Variants in PAPLN observed in about 807,000 individuals in gnomAD.
PAPLN encodes the protein papilin, proteoglycan like sulfated glycoprotein, also known as papilin.
PAPLN carries 146 observed loss-of-function variants against 159.0 expected under a neutral mutation model. The ratio of observed to expected loss-of-function variants is 0.92; its 90% CI spans 0.80 to 1.05. The LOEUF (loss-of-function observed/expected upper bound fraction) is 1.05. Ranked by LOEUF, PAPLN falls within the 50% of genes least tolerant of loss-of-function variation. The probability of loss-of-function intolerance (pLI) is 0.00; values close to 1 mark genes in which losing one functional copy is unlikely to be tolerated. For missense variants in PAPLN, 1,720 were observed against 1,743.9 expected (o/e 0.99, Z 0.24); for synonymous variants, 734 against 702.9 (o/e 1.04, Z -0.70).
intron 7 of PAPLN, 71 bp downstream of exon 7, chr14:73,251,101 C>T (rs1218543638): frequency 6.4e-7 from 1 of 1,554,854 alleles, no homozygotes; most frequent in Non-Finnish European, 8.7e-7. Context: ...CCTGTCCCTG[C>T]TCTGGCCTAG....
chr14:73,263,979 T>G (rs539646963), intron 20 of PAPLN, 197 bp downstream of exon 20: 2 of 1,252,280 alleles, frequency 1.6e-6, no homozygotes, highest in Non-Finnish European at 2.1e-6. Context: ...CTGACAGGTG[T>G]GTGTGACAGC....
In PAPLN at chr14:73,272,880, C is replaced by T. The variant is rs1260673739; in HGVS notation, c.*216C>T. ...GCAGTGTTTGCATCTCTGACATAACCACAGGCTGCTGTTTTCAAGAAGAGC... is the reference window on the plus strand; with the variant it reads ...GCAGTGTTTGCATCTCTGACATAACTACAGGCTGCTGTTTTCAAGAAGAGC... On this transcript the variant is annotated 3_prime_UTR_variant, in exon 27 of 27. Transcript: ENST00000644200. The T allele has an allele frequency of 4.9e-6, 2 of 408,018 alleles. No homozygotes were observed. Among genetic ancestry groups the T allele is most frequent in the Non-Finnish European group, 8.5e-6 (2 of 235,970 alleles). 25.3% of individuals were successfully genotyped at this position (408,018 alleles called of 1,614,324 possible).
At chr14:73,238,395 C>A (rs1242176506) in intron 1 of PAPLN, among the ~76,000 whole-genome samples, 1 of 152,242 alleles carries the variant, frequency 6.6e-6, no homozygotes, top group East Asian at 1.9e-4. Flanking sequence ...CGTGACCAGA[C>A]CCGGACTGGC....
chr14:73,249,621 T>C (rs1354395127), intron 5 of PAPLN, among the ~76,000 whole-genome samples: 2 of 136,228 alleles, frequency 1.5e-5, no homozygotes, highest in African/African-American at 2.8e-5. Context: ...TTGCAGTGAG[T>C]CGAGATCGTG....
intron 14 of PAPLN, 139 bp downstream of exon 14, chr14:73,255,157 C>G (rs1204855267): frequency 1.6e-6 from 2 of 1,258,236 alleles, no homozygotes; most frequent in Non-Finnish European, 2.2e-6. Flanking sequence ...ATGTCTCCCC[C>G]CGCTGAACCC....
intron 10 of PAPLN, 56 bp from the exon 11 acceptor site, chr14:73,252,593 A>G (rs971045863): frequency 3.0e-5 from 47 of 1,584,476 alleles, no homozygotes; most frequent in Non-Finnish European, 3.6e-5. Flanking sequence ...GGCCCAGGGA[A>G]CGCGCTTGGT....
chr14:73,254,918 C>T lies in PAPLN; in HGVS notation c.1527C>T (p.Val509=). Residue 509 remains valine (V), a synonymous_variant, in exon 14 of 27, where the codon GTC becomes GTT. Coordinates refer to ENST00000644200, the MANE Select transcript of PAPLN (RefSeq NM_001365906.3). ...GCTCGGGCACTCGGAGGCGACAGGT[C>T]ATCTGTGCCATTGGGCCGCCCAGCC... is the stretch of plus-strand genomic sequence containing the variant. ...SCSSGTRRRQ[V]ICAIGPPSHC... 6.2e-7 allele frequency: 1 copy of T among 1,613,298 alleles called. No individual in the cohort carries two copies. Among genetic ancestry groups the T allele is most frequent in the Non-Finnish European group, 8.5e-7 (1 of 1,179,980 alleles).
At chr14:73,255,070 G>A (rs373758089) in intron 14 of PAPLN, 52 bp downstream of exon 14, 15 of 1,566,082 alleles carry the variant, frequency 9.6e-6, no homozygotes, top group East Asian at 9.5e-5. Context: ...TCTCCCACTC[G>A]CTACAAACCC....
intron 11 of PAPLN, among the ~76,000 whole-genome samples, 174 bp from the exon 12 acceptor site, chr14:73,253,580 T>A (rs1230000574): frequency 6.6e-6 from 1 of 151,650 alleles, no homozygotes; most frequent in Non-Finnish European, 1.5e-5. Flanking sequence ...CCAGGCCCGG[T>A]GGTGGGGATG....
Position 73,265,586 on chromosome 14 carries a change from G to A in PAPLN, c.3263+79G>A, listed in dbSNP as rs1358403990. 5 of 1,563,008 alleles carry A rather than the reference G, an allele frequency of 3.2e-6. No homozygotes were observed. The African/African-American group carries it at 5.4e-5, about 17-fold the overall frequency. ...CCTATGGAGGCCACCGGGGAAGGGA[G>A]CTGCTAGCGCATGGTCATGGCCAGT... On this transcript the variant is annotated intron_variant, in intron 23 of 26. Coordinates refer to ENST00000644200, the MANE Select transcript of PAPLN (RefSeq NM_001365906.3). This position sits in a 1 kb window ranked among gnomAD's most constrained non-coding sequence, Gnocchi z 4.1.
At chr14:73,269,829 C>T (rs1887548143) in intron 26 of PAPLN, among the ~76,000 whole-genome samples, 1 of 151,264 alleles carries the variant, frequency 6.6e-6, no homozygotes, top group South Asian at 2.1e-4. Flanking sequence ...AGGGCTGCAG[C>T]GCCATGCCAG....
intron 12 of PAPLN, among the ~76,000 whole-genome samples, 190 bp from the exon 13 acceptor site, chr14:73,254,323 T>C (rs1885638193): frequency 6.6e-6 from 1 of 152,184 alleles, no homozygotes; most frequent in Non-Finnish European, 1.5e-5. Context: ...ACAACCTCAG[T>C]CTGTTGTCAG....
intron 1 of PAPLN, 139 bp downstream of exon 1, chr14:73,237,731 G>C (rs1005933397): frequency 3.9e-5 from 6 of 152,266 alleles, no homozygotes; most frequent in Non-Finnish European, 4.4e-5. Context: ...AGAAGACCCC[G>C]CCCCGGCTCG....
intron 21 of PAPLN, 107 bp from the exon 22 acceptor site, chr14:73,264,481 C>A: frequency 6.6e-7 from 1 of 1,519,718 alleles, no homozygotes; most frequent in South Asian, 1.3e-5. Context: ...AGGGACCACC[C>A]TGTGGCCCTC....
At chr14:73,243,945 C>T (rs181413316) in intron 2 of PAPLN, 5 of 152,398 alleles carry the variant, frequency 3.3e-5, no homozygotes, top group African/African-American at 7.2e-5. Flanking sequence ...CCAACTCCAG[C>T]CATCACATCT....
In PAPLN at chr14:73,264,522, G is replaced by T. The variant is rs1455345423; in HGVS notation, c.2987-66G>T. The T allele has an allele frequency of 5.8e-6, 9 of 1,546,954 alleles. No individual in the cohort carries two copies. In the Admixed American group the frequency reaches 1.9e-4, roughly 32 times the overall value. On this transcript the variant is annotated intron_variant, in intron 21 of 26. Transcript: ENST00000644200. ...TCCGTAAGTCCCTGCTGGTCTCATG[G>T]CCCGCCCTTCCTTCCACTCCCTTTT...
intron 17 of PAPLN, 26 bp downstream of exon 17, chr14:73,260,855 A>G: frequency 6.7e-7 from 1 of 1,492,944 alleles, no homozygotes. Flanking sequence ...GGGGGAGGGG[A>G]GCAGGGGGCC....
At chr14:73,268,868 G>A in intron 26 of PAPLN, 145 bp downstream of exon 26, 1 of 1,031,464 alleles carries the variant, frequency 9.7e-7, no homozygotes, top group Non-Finnish European at 1.3e-6. Context: ...TGGGGCAAGG[G>A]GCTTACCTTC....
rs1248525441 is a variant in PAPLN at position 73,264,639 on chromosome 14, C to T, written c.3038C>T (p.Pro1013Leu). Residue 1013 changes from proline (P) to leucine (L), a missense_variant, in exon 22 of 27, where the codon CCC becomes CTC. Physicochemically the swap from Pro to Leu is moderately conservative, Grantham distance 98. Transcript: ENST00000644200. ...GCTGAGCTGAGCCGCTTCCCTCAGC[C>T]CAGGGACCCAGCTCAGGACTTTGGC... is the stretch of plus-strand genomic sequence containing the variant. ...SEAELSRFPQ[P>L]RDPAQDFGQA... The T allele has an allele frequency of 6.2e-7, 1 of 1,604,944 alleles. No individual in the cohort carries two copies. The highest frequency in any genetic ancestry group is 2.2e-5 in the East Asian group (1 of 44,838).
Sources: allele counts gnomAD v4.1 joint callset (sites outside exome capture counted in the v4.1 genomes callset), GRCh38; gene constraint gnomAD v4.1.1; non-coding constraint Gnocchi (gnomAD v3.1); transcripts MANE v1.5; gene names NCBI Gene and HGNC (gene_info 2026-07-23, HGNC 2026-07-21).